The following KCNQ5 variants were observed in gnomAD, a reference collection of about 807,000 sequenced individuals.
KCNQ5 encodes potassium voltage-gated channel subfamily Q member 5.
Under a neutral mutation model 98.2 loss-of-function variants are expected in KCNQ5, and 30 were observed. The observed-to-expected ratio is 0.31, with a 90% CI of 0.23 to 0.41. The LOEUF (loss-of-function observed/expected upper bound fraction) is 0.41, where lower values mean the gene tolerates loss of function less well. Ranked by LOEUF, KCNQ5 falls within the 10% of genes least tolerant of loss-of-function variation. The pLI is 1.00. For missense variants in KCNQ5, 835 were observed against 1,182.5 expected, an observed-to-expected ratio of 0.71 and a Z score of 4.31; for synonymous variants, 458 against 449.4, an observed-to-expected ratio of 1.02 and a Z score of -0.24.
At chr6:73,029,877 C>T (rs999797390) in intron 2 of KCNQ5, among the ~76,000 whole-genome samples, 4 of 141,926 alleles carry the variant, frequency 2.8e-5, no homozygotes, top group South Asian at 2.2e-4. Flanking sequence ...CGTCACTGCA[C>T]TCCAGCGACA....
chr6:72,812,312 TTTATGCAGTCC>T (rs1172318298), intron 1 of KCNQ5, among the ~76,000 whole-genome samples: 1 of 152,112 alleles, frequency 6.6e-6, no homozygotes. Context: ...TTATCCTCAT[TTTATGCAGTCC>T]TTATTCAAGA....
At chr6:72,999,253 G>T (rs992513251) in intron 1 of KCNQ5, among the ~76,000 whole-genome samples, 1 of 152,198 alleles carries the variant, frequency 6.6e-6, no homozygotes, top group East Asian at 1.9e-4. Flanking sequence ...AAGAAAGGCT[G>T]ATGATAGTTT....
chr6:72,843,985 A>T (rs963244231), intron 1 of KCNQ5, among the ~76,000 whole-genome samples: 2 of 152,166 alleles, frequency 1.3e-5, no homozygotes, highest in Admixed American at 6.5e-5. Context: ...GGAGGGGAAC[A>T]TCACACACCA....
At chr6:73,007,473 C>T (rs1246270172) in intron 2 of KCNQ5, among the ~76,000 whole-genome samples, 1 of 152,166 alleles carries the variant, frequency 6.6e-6, no homozygotes, top group Non-Finnish European at 1.5e-5. Flanking sequence ...GTCTCCCCAC[C>T]TAAACAACAA....
intron 2 of KCNQ5, among the ~76,000 whole-genome samples, chr6:73,025,421 A>G (rs578080571): frequency 2.5e-4 from 38 of 152,280 alleles, no homozygotes; most frequent in East Asian, 1.2e-3. Flanking sequence ...CAGGAGTTCA[A>G]AAAAAGCCTG....
chr6:73,109,139 A>T (rs1349688499), intron 6 of KCNQ5, among the ~76,000 whole-genome samples: 1 of 152,220 alleles, frequency 6.6e-6, no homozygotes, highest in Non-Finnish European at 1.5e-5. Flanking sequence ...TGGTTTAATA[A>T]CTGCTGTAAT....
chr6:72,642,230 A>G (rs907011458), intron 1 of KCNQ5, among the ~76,000 whole-genome samples: 1 of 151,548 alleles, frequency 6.6e-6, no homozygotes, highest in Non-Finnish European at 1.5e-5. Context: ...AAAAACAAAC[A>G]CACATATCCT....
chr6:73,139,051 T>A (rs1180188684), intron 10 of KCNQ5, among the ~76,000 whole-genome samples: 1 of 152,226 alleles, frequency 6.6e-6, no homozygotes, highest in Non-Finnish European at 1.5e-5. Flanking sequence ...ATTTCTCTGA[T>A]TCTCTGAGTC....
At position 73,038,322 on chromosome 6, in the gene KCNQ5, A is replaced by G. The variant is rs76394157; in HGVS notation, c.490-3614A>G. Among the ~76,000 whole-genome samples, 1,350 of 148,826 alleles carry G rather than the reference A, an allele frequency of 9.1e-3. 9 individuals are homozygous for G. Among genetic ancestry groups the G allele is most frequent in the East Asian group, 0.048 (246 of 5,120 alleles). On this transcript the variant is annotated intron_variant, in intron 2 of 13. Transcript: ENST00000370398. Reference sequence around the variant, plus strand: ...ATCATGCCATTTGTAAATAGAGACCATTTTATGTTTACCTTTCCAAACTGC... The same window carrying G: ...ATCATGCCATTTGTAAATAGAGACCGTTTTATGTTTACCTTTCCAAACTGC...
intron 9 of KCNQ5, among the ~76,000 whole-genome samples, chr6:73,128,663 T>G (rs1036926633): frequency 6.6e-6 from 1 of 152,250 alleles, no homozygotes; most frequent in African/African-American, 2.4e-5. Flanking sequence ...TTACTCTGTC[T>G]TCTTAATCAA....
intron 1 of KCNQ5, among the ~76,000 whole-genome samples, chr6:72,877,011 C>A (rs1208761322): frequency 6.6e-6 from 1 of 152,080 alleles, no homozygotes; most frequent in Non-Finnish European, 1.5e-5. Context: ...CATGGTCTGT[C>A]CCGTATGCAT....
chr6:72,733,189 A>G (rs1770643230), intron 1 of KCNQ5, among the ~76,000 whole-genome samples: 1 of 152,158 alleles, frequency 6.6e-6, no homozygotes, highest in Non-Finnish European at 1.5e-5. Flanking sequence ...GGTAGGGTGA[A>G]AGGAGGACAG....
At chr6:73,005,999 C>A (rs116433916) in intron 2 of KCNQ5, among the ~76,000 whole-genome samples, 8,484 of 152,098 alleles carry the variant, frequency 0.056, 785 homozygotes, top group African/African-American at 0.19. Context: ...TATCTGGACA[C>A]AAAAATTCAA....
At chr6:72,854,822 G>C (rs373590775) in intron 1 of KCNQ5, among the ~76,000 whole-genome samples, 2 of 147,808 alleles carry the variant, frequency 1.4e-5, no homozygotes, top group East Asian at 4.1e-4. Flanking sequence ...ACTTTATAAC[G>C]CTGGTTGAGA....
At chr6:73,120,902 A>G (rs536315608) in intron 8 of KCNQ5, among the ~76,000 whole-genome samples, 1 of 152,326 alleles carries the variant, frequency 6.6e-6, no homozygotes, top group Non-Finnish European at 1.5e-5. Context: ...ACAGTTCTTG[A>G]AAAACAAGGA....
At chr6:72,788,956 C>A (rs1420385047) in intron 1 of KCNQ5, among the ~76,000 whole-genome samples, 1 of 152,058 alleles carries the variant, frequency 6.6e-6, no homozygotes, top group Non-Finnish European at 1.5e-5. Flanking sequence ...AGTTTTCGAC[C>A]CTAGCTTCAC....
chr6:72,994,665 C>T (rs1248681186), intron 1 of KCNQ5, among the ~76,000 whole-genome samples: 3 of 152,000 alleles, frequency 2.0e-5, no homozygotes, highest in African/African-American at 7.2e-5. Context: ...TGTTCCTATT[C>T]GGCCATCTTG....
chr6:73,029,896 C>T (rs1447572680), intron 2 of KCNQ5, among the ~76,000 whole-genome samples: 14 of 129,012 alleles, frequency 1.1e-4, no homozygotes, highest in African/African-American at 3.3e-4. Flanking sequence ...CAGAGCCAGA[C>T]TCCGTCTCAA....
chr6:73,148,766 G>C (rs1000087549), intron 10 of KCNQ5, among the ~76,000 whole-genome samples: 1 of 152,172 alleles, frequency 6.6e-6, no homozygotes, highest in African/African-American at 2.4e-5. Flanking sequence ...TAGAACTTAA[G>C]TGAGAAAACA....
Sources: gnomAD v4.1 joint callset for allele counts (sites outside exome capture counted in the v4.1 genomes callset) on GRCh38, gnomAD v4.1.1 for gene constraint, MANE v1.5 for transcripts, NCBI Gene and HGNC (gene_info 2026-07-23, HGNC 2026-07-21) for gene names.